TTC39C: variants seen among roughly 807,000 people sequenced by gnomAD.
TTC39C encodes the protein tetratricopeptide repeat domain 39C.
TTC39C carries 33 observed loss-of-function variants against 76.3 expected under a neutral mutation model. The ratio of observed to expected loss-of-function variants is 0.43; its 90% CI spans 0.33 to 0.58. TTC39C has a LOEUF of 0.58. Ranked by LOEUF, TTC39C falls within the 20% of genes least tolerant of loss-of-function variation. TTC39C has a pLI of 0.04. For synonymous variants in TTC39C, 254 were observed against 260.6 expected, an observed-to-expected ratio of 0.97 and a Z score of 0.24; for missense variants, 595 against 701.4, an observed-to-expected ratio of 0.85 and a Z score of 1.71.
intron 1 of TTC39C, among the ~76,000 whole-genome samples, chr18:23,995,356 G>C (rs987573080): frequency 1.3e-5 from 2 of 152,094 alleles, no homozygotes; most frequent in African/African-American, 4.8e-5. Context: ...TGTAGTCCCA[G>C]CTACTCAGGG....
chr18:23,995,571 A>G (rs2083254582), intron 1 of TTC39C, among the ~76,000 whole-genome samples: 1 of 152,204 alleles, frequency 6.6e-6, no homozygotes, highest in Admixed American at 6.5e-5. Flanking sequence ...GTATGAGTCA[A>G]TAGTTCATTC....
At chr18:24,074,329 C>A (rs926485053) in intron 4 of TTC39C, among the ~76,000 whole-genome samples, 1 of 152,116 alleles carries the variant, frequency 6.6e-6, no homozygotes, top group Non-Finnish European at 1.5e-5. Context: ...ATACTAAAAT[C>A]CATTCATGCC....
intron 1 of TTC39C, among the ~76,000 whole-genome samples, chr18:24,057,877 G>A (rs1335434825): frequency 2.0e-5 from 3 of 152,208 alleles, no homozygotes; most frequent in Non-Finnish European, 4.4e-5. Context: ...GTTCATTGCA[G>A]CACTATTCAC....
At chr18:24,125,380 G>T in intron 9 of TTC39C, 47 bp from the exon 10 acceptor site, 1 of 1,610,886 alleles carries the variant, frequency 6.2e-7, no homozygotes, top group Non-Finnish European at 8.5e-7. Context: ...TTTTTTATTT[G>T]AATTTGTTTT....
At chr18:24,051,111 T>C (rs1265096022) in intron 1 of TTC39C, among the ~76,000 whole-genome samples, 3 of 152,098 alleles carry the variant, frequency 2.0e-5, no homozygotes, top group Non-Finnish European at 4.4e-5. Flanking sequence ...ATGATCTACC[T>C]GTAGATAATT....
chr18:24,017,005 C>A (rs1334995979), intron 1 of TTC39C, among the ~76,000 whole-genome samples: 3 of 152,084 alleles, frequency 2.0e-5, no homozygotes, highest in African/African-American at 7.2e-5. Flanking sequence ...CACTATAGTT[C>A]TAAATCAAGG....
intron 1 of TTC39C, chr18:24,001,798 G>A (rs2083312168): frequency 6.6e-6 from 1 of 151,708 alleles, no homozygotes; most frequent in African/African-American, 2.4e-5. Flanking sequence ...ATGCAACATG[G>A]GAGGGTGAGG....
At chr18:24,041,046 A>G (rs2083786343) in intron 1 of TTC39C, among the ~76,000 whole-genome samples, 1 of 152,242 alleles carries the variant, frequency 6.6e-6, no homozygotes. Context: ...GTTCAGGGAA[A>G]AAAGTAGGGG....
At chr18:24,119,480 A>G (rs1453051276) in intron 8 of TTC39C, among the ~76,000 whole-genome samples, 2 of 152,224 alleles carry the variant, frequency 1.3e-5, no homozygotes, top group Admixed American at 6.5e-5. Flanking sequence ...AAAATAAGAT[A>G]GGGTTGATGA....
chr18:24,080,670 G>A lies in TTC39C; in HGVS notation c.546G>A (p.Leu182=). The stretch of plus-strand genomic sequence containing the variant: ...TGGACATCAATGCCCTTCAGGAGCT[G>A]TATCAGAAGAAGCTAACTGAAGAGT... ...CYLDINALQE[L]YQKKLTEESL... The change falls in exon 5 of 14, where the codon CTG becomes CTA. Residue 182 remains leucine, a synonymous_variant. Transcript: ENST00000317571. 6.2e-6 allele frequency: 10 copies of A among 1,614,188 alleles called. No individual in the cohort carries two copies. Among genetic ancestry groups the A allele is most frequent in the South Asian group, 1.1e-5 (1 of 91,088 alleles).
intron 1 of TTC39C, among the ~76,000 whole-genome samples, chr18:23,999,154 G>T (rs2083292659): frequency 1.3e-5 from 2 of 152,220 alleles, no homozygotes; most frequent in Non-Finnish European, 2.9e-5. Flanking sequence ...TGGGTGTGAT[G>T]AAATGGTTTC....
intron 1 of TTC39C, among the ~76,000 whole-genome samples, chr18:24,035,154 C>T (rs989123043): frequency 6.6e-6 from 1 of 152,084 alleles, no homozygotes; most frequent in Non-Finnish European, 1.5e-5. Flanking sequence ...GATCCTCCTG[C>T]CTCAGCCTCC....
At chr18:24,093,181 T>A (rs530225870) in intron 6 of TTC39C, among the ~76,000 whole-genome samples, 1 of 152,324 alleles carries the variant, frequency 6.6e-6, no homozygotes, top group Admixed American at 6.5e-5. Context: ...TCAATAAAGA[T>A]GTTTTATAAA....
intron 1 of TTC39C, among the ~76,000 whole-genome samples, chr18:24,042,759 A>G (rs2083812573): frequency 6.6e-6 from 1 of 152,180 alleles, no homozygotes; most frequent in East Asian, 1.9e-4. Context: ...ATACAATTTA[A>G]GATGTAAAAA....
At chr18:24,019,514 C>G (rs2083494017) in intron 1 of TTC39C, among the ~76,000 whole-genome samples, 1 of 152,136 alleles carries the variant, frequency 6.6e-6, no homozygotes, top group Admixed American at 6.5e-5. Context: ...GAGTGTACAT[C>G]AAAGGAATGT....
chr18:24,026,104 G>C (rs1203432630), intron 1 of TTC39C, among the ~76,000 whole-genome samples: 1 of 152,164 alleles, frequency 6.6e-6, no homozygotes, highest in Non-Finnish European at 1.5e-5. Context: ...TTGCCATGTG[G>C]ATGGAGAACT....
intron 1 of TTC39C, among the ~76,000 whole-genome samples, chr18:24,029,947 T>G (rs2083647747): frequency 6.6e-6 from 1 of 152,248 alleles, no homozygotes; most frequent in East Asian, 1.9e-4. Context: ...AGTTGTGAAT[T>G]GTGCTGCTAT....
intron 1 of TTC39C, among the ~76,000 whole-genome samples, chr18:24,023,116 C>T (rs2083536224): frequency 6.6e-6 from 1 of 152,194 alleles, no homozygotes; most frequent in Admixed American, 6.5e-5. Context: ...CCTTTATTTG[C>T]AGTCAGCAAG....
At chr18:24,112,395 C>T (rs1379377293) in intron 6 of TTC39C, among the ~76,000 whole-genome samples, 1 of 152,220 alleles carries the variant, frequency 6.6e-6, no homozygotes, top group Non-Finnish European at 1.5e-5. Flanking sequence ...CAATTGTTAC[C>T]TTGTTGACCT....
Sources: gnomAD v4.1 joint callset for allele counts (sites outside exome capture counted in the v4.1 genomes callset) on GRCh38, gnomAD v4.1.1 for gene constraint, MANE v1.5 for transcripts, NCBI Gene and HGNC (gene_info 2026-07-23, HGNC 2026-07-21) for gene names.